ITGA1: variants seen among roughly 807,000 people sequenced by gnomAD.
The protein encoded by ITGA1 is integrin subunit alpha 1.
In ITGA1, 85 loss-of-function variants were observed where a neutral mutation model predicts 145.9. The observed-to-expected ratio is 0.58, with a 90% CI of 0.49 to 0.70. The LOEUF is 0.70. ITGA1 is among the 30% of genes least tolerant of loss of function. ITGA1 has a pLI of 0.00. For missense variants in ITGA1, 1,351 were observed against 1,418.7 expected, an observed-to-expected ratio of 0.95 and a Z score of 0.77; for synonymous variants, 520 against 495.3, an observed-to-expected ratio of 1.05 and a Z score of -0.66.
At chr5:52,832,912 C>T (rs1749098394) in intron 1 of ITGA1, among the ~76,000 whole-genome samples, 1 of 151,202 alleles carries the variant, frequency 6.6e-6, no homozygotes, top group South Asian at 2.1e-4. Flanking sequence ...TGAGATTGGG[C>T]TGGGCATGAT....
chr5:52,793,852 A>G (rs2111645541), intron 1 of ITGA1, among the ~76,000 whole-genome samples: 1 of 152,170 alleles, frequency 6.6e-6, no homozygotes, highest in Non-Finnish European at 1.5e-5. Flanking sequence ...ACAATAAAGT[A>G]ATCATATAAT....
intron 26 of ITGA1, among the ~76,000 whole-genome samples, chr5:52,942,596 CCTT>C (rs1193884761): frequency 6.6e-6 from 1 of 150,588 alleles, no homozygotes; most frequent in Non-Finnish European, 1.5e-5. Flanking sequence ...AGTGGCGCGA[CCTT>C]GGCTCACTGC....
At chr5:52,864,215 C>T (rs2456198) in intron 3 of ITGA1, among the ~76,000 whole-genome samples, 85,201 of 152,006 alleles carry the variant, frequency 0.56, 25,661 homozygotes, top group African/African-American at 0.79. Context: ...ATGTCAAATG[C>T]AGTCTCTTTA....
chr5:52,804,517 A>G (rs1403953398), intron 1 of ITGA1, among the ~76,000 whole-genome samples: 1 of 152,204 alleles, frequency 6.6e-6, no homozygotes, highest in Non-Finnish European at 1.5e-5. Flanking sequence ...AGATGCCACT[A>G]GAGTAGCTTT....
At chr5:52,934,337 G>A (rs1442202647) in intron 23 of ITGA1, among the ~76,000 whole-genome samples, 1 of 151,122 alleles carries the variant, frequency 6.6e-6, no homozygotes. Context: ...AGATGCTACC[G>A]ATAAACCTGT....
chr5:52,910,802 A>G (rs2111850620), intron 14 of ITGA1, among the ~76,000 whole-genome samples: 1 of 144,688 alleles, frequency 6.9e-6, no homozygotes, highest in African/African-American at 2.5e-5. Context: ...TAGTATAAAT[A>G]TATAGTATAT....
chr5:52,920,622 C>T (rs536472784), intron 17 of ITGA1, among the ~76,000 whole-genome samples, 154 bp downstream of exon 17: 59 of 152,276 alleles, frequency 3.9e-4, no homozygotes, highest in Non-Finnish European at 5.1e-4. Context: ...ATCATAAAAT[C>T]GCAGGTCTAA....
intron 8 of ITGA1, among the ~76,000 whole-genome samples, chr5:52,888,247 T>C (rs375873663): frequency 1.5e-5 from 2 of 136,174 alleles, no homozygotes; most frequent in Non-Finnish European, 3.2e-5. Context: ...AGCAAAAACA[T>C]AAGAAGGAAG....
intron 28 of ITGA1, among the ~76,000 whole-genome samples, chr5:52,949,211 T>C (rs1365965313): frequency 2.0e-5 from 3 of 152,210 alleles, no homozygotes; most frequent in East Asian, 1.9e-4. Context: ...ATGCTTACTA[T>C]GTGCAGGGAG....
intron 5 of ITGA1, 96 bp from the exon 6 acceptor site, chr5:52,865,594 A>C (rs1749674842): frequency 1.0e-6 from 1 of 1,003,270 alleles, no homozygotes; most frequent in African/African-American, 1.7e-5. Context: ...ACATCAGTTC[A>C]TCTTTTAAAA....
At chr5:52,882,374 T>C (rs1293178903) in intron 7 of ITGA1, among the ~76,000 whole-genome samples, 1 of 152,154 alleles carries the variant, frequency 6.6e-6, no homozygotes, top group East Asian at 1.9e-4. Flanking sequence ...AAAGAACGGA[T>C]TAAAAATAGG....
intron 1 of ITGA1, among the ~76,000 whole-genome samples, chr5:52,839,043 G>C (rs1408170662): frequency 6.6e-6 from 1 of 152,168 alleles, no homozygotes; most frequent in Non-Finnish European, 1.5e-5. Context: ...GCTGCAGTGA[G>C]CCATGATTGC....
At chr5:52,873,692 T>G (rs1362661593) in intron 6 of ITGA1, among the ~76,000 whole-genome samples, 1 of 152,200 alleles carries the variant, frequency 6.6e-6, no homozygotes, top group Non-Finnish European at 1.5e-5. Context: ...GGGTAGGGCT[T>G]TGTACCATAG....
At chr5:52,919,642 A>G (rs1750702413) in intron 16 of ITGA1, among the ~76,000 whole-genome samples, 2 of 152,212 alleles carry the variant, frequency 1.3e-5, no homozygotes, top group African/African-American at 4.8e-5. Context: ...ATGCTCTGAA[A>G]TAGCCTCCTG....
intron 1 of ITGA1, among the ~76,000 whole-genome samples, chr5:52,843,412 G>A (rs1204665656): frequency 6.6e-6 from 1 of 152,118 alleles, no homozygotes; most frequent in Admixed American, 6.6e-5. Context: ...GCAATATTCA[G>A]AATTGCATTT....
chr5:52,925,862 G>A (rs1040969430), intron 19 of ITGA1, among the ~76,000 whole-genome samples: 3 of 152,084 alleles, frequency 2.0e-5, no homozygotes, highest in East Asian at 1.9e-4. Context: ...TTACCTGCAG[G>A]AAAATCAAGA....
chr5:52,897,536 G>A lies in ITGA1; in HGVS notation c.1164+8G>A. On this transcript the variant is annotated splice_region_variant and intron_variant, in intron 10 of 28. Coordinates refer to ENST00000282588, the MANE Select transcript of ITGA1 (RefSeq NM_181501.2). ...AGTGCTCATTATTCACAGGTATGTT[G>A]ACCAGTTGGTGAAAAATGAAATATA... The A allele has an allele frequency of 6.2e-7, 1 of 1,607,020 alleles. No individual in the cohort carries two copies. Among genetic ancestry groups the A allele is most frequent in the African/African-American group, 1.3e-5 (1 of 74,810 alleles).
chr5:52,933,718 C>A, intron 22 of ITGA1, 176 bp from the exon 23 acceptor site: 1 of 344,260 alleles, frequency 2.9e-6, no homozygotes, highest in Non-Finnish European at 5.4e-6. Flanking sequence ...TTACATAATC[C>A]TTCTCACTCT....
At chr5:52,845,361 A>G (rs1749315984) in intron 1 of ITGA1, among the ~76,000 whole-genome samples, 1 of 152,178 alleles carries the variant, frequency 6.6e-6, no homozygotes, top group South Asian at 2.1e-4. Flanking sequence ...ATGAAAAAGA[A>G]ATACCACGTT....
Sources: allele counts gnomAD v4.1 joint callset (sites outside exome capture counted in the v4.1 genomes callset), GRCh38; gene constraint gnomAD v4.1.1; transcripts MANE v1.5; gene names NCBI Gene and HGNC (gene_info 2026-07-23, HGNC 2026-07-21).